The following CDYL2 variants were observed in gnomAD, a reference collection of about 807,000 sequenced individuals.
The protein encoded by CDYL2 is chromodomain Y-like protein 2.
A neutral mutation model predicts 49.4 loss-of-function variants in CDYL2; 23 were observed. The observed-to-expected ratio is 0.47, with a 90% confidence interval of 0.34 to 0.66. CDYL2 has a LOEUF of 0.66. Ranked by LOEUF, CDYL2 falls within the 30% of genes least tolerant of loss-of-function variation. The pLI is 0.01. For missense variants in CDYL2, 678 were observed against 656.4 expected, an observed-to-expected ratio of 1.03 and a Z score of -0.36; for synonymous variants, 360 against 268.8, an observed-to-expected ratio of 1.34 and a Z score of -3.32.
chr16:80,736,073 G>A (rs756615024), intron 1 of CDYL2, among the ~76,000 whole-genome samples: 4 of 152,168 alleles, frequency 2.6e-5, no homozygotes, highest in Admixed American at 1.3e-4. Context: ...ATAGGCCAGT[G>A]ACCTTGAGAC....
chr16:80,744,126 G>C (rs1170979105), intron 1 of CDYL2, among the ~76,000 whole-genome samples: 2 of 152,174 alleles, frequency 1.3e-5, no homozygotes, highest in Non-Finnish European at 2.9e-5. Flanking sequence ...AGAGAAGTTA[G>C]AGCAACTCAT....
intron 1 of CDYL2, among the ~76,000 whole-genome samples, chr16:80,731,731 C>T (rs1031716719): frequency 2.6e-5 from 4 of 152,100 alleles, no homozygotes; most frequent in Non-Finnish European, 5.9e-5. Flanking sequence ...CTATACTTAG[C>T]CAAATCATCA....
chr16:80,652,660 A>C (rs191381066), intron 2 of CDYL2, among the ~76,000 whole-genome samples: 1 of 152,338 alleles, frequency 6.6e-6, no homozygotes, highest in East Asian at 1.9e-4. Context: ...TACCTCAGCC[A>C]GGTGGTCACA....
chr16:80,722,708 C>G (rs2142527503), intron 1 of CDYL2, among the ~76,000 whole-genome samples: 1 of 152,290 alleles, frequency 6.6e-6, no homozygotes, highest in Admixed American at 6.5e-5. Context: ...ACTGACTCTC[C>G]AAGATACTGT....
rs543813429 is a variant in CDYL2, at chr16:80,607,082, C to T, written c.1362+1010G>A. 2.8e-3 allele frequency among the ~76,000 whole-genome samples: 430 copies of T among 152,240 alleles called. 1 individual carries two copies. Among genetic ancestry groups the T allele is most frequent in the South Asian group, 5.4e-3 (26 of 4,818 alleles). On this transcript the variant is annotated intron_variant, in intron 6 of 6. Coordinates refer to ENST00000570137, the MANE Select transcript of CDYL2 (RefSeq NM_152342.4). The stretch of plus-strand genomic sequence containing the variant: ...AGACAAGGTGGGGCAAATTGGTGAC[C>T]CTAGTCATTAGTAAGATTAAAAGAG...
intron 2 of CDYL2, among the ~76,000 whole-genome samples, chr16:80,665,429 A>T (rs1909219693): frequency 6.7e-6 from 1 of 149,622 alleles, no homozygotes. Flanking sequence ...GGCTCAACAG[A>T]TCTTGTGACC....
chr16:80,758,665 C>A (rs1257449850), intron 1 of CDYL2, among the ~76,000 whole-genome samples: 11 of 151,516 alleles, frequency 7.3e-5, no homozygotes, highest in Non-Finnish European at 1.5e-4. Flanking sequence ...GCCTCAGCCT[C>A]CCGAGTAGCT....
Position 80,782,531 on chromosome 16 carries a change from A to G in CDYL2, c.24+21619T>C, listed in dbSNP as rs9923028. Among the ~76,000 whole-genome samples, 415 of 108,122 alleles carry G rather than the reference A, an allele frequency of 3.8e-3. 3 individuals carry two copies. The highest frequency in any genetic ancestry group is 0.017 in the African/African-American group (406 of 24,286). 70.9% of individuals were successfully genotyped at this position (108,122 alleles called of 152,430 possible). A position where few individuals can be genotyped will look rare whatever the true frequency, so the allele number is the denominator to read the frequency against. ...ATCCCAAAGCCAAAGACATAAGGAG[A>G]AAAAAAAAAAAAAAAAAAAAACTAC... is the stretch of plus-strand genomic sequence containing the variant. On this transcript the variant is annotated intron_variant, in intron 1 of 6. Transcript: ENST00000570137.
At chr16:80,680,909 G>T (rs1909943629) in intron 2 of CDYL2, among the ~76,000 whole-genome samples, 1 of 151,998 alleles carries the variant, frequency 6.6e-6, no homozygotes, top group Non-Finnish European at 1.5e-5. Flanking sequence ...AGCTCCCCAA[G>T]AGATACTGAG....
intron 2 of CDYL2, among the ~76,000 whole-genome samples, chr16:80,675,280 T>C (rs1294283443): frequency 1.3e-5 from 2 of 152,200 alleles, no homozygotes; most frequent in East Asian, 3.9e-4. Flanking sequence ...TAATTCCTTC[T>C]CTCAGTGCTG....
intron 1 of CDYL2, among the ~76,000 whole-genome samples, chr16:80,798,749 G>A (rs1016820853): frequency 2.6e-5 from 4 of 152,000 alleles, no homozygotes; most frequent in African/African-American, 9.7e-5. Flanking sequence ...ATTGTCCAAC[G>A]GCCAACTTTA....
chr16:80,634,383 A>C (rs1181102039), intron 2 of CDYL2, among the ~76,000 whole-genome samples: 1 of 152,176 alleles, frequency 6.6e-6, no homozygotes, highest in African/African-American at 2.4e-5. Context: ...ATTCTGAGCA[A>C]ACTATCGCAA....
chr16:80,645,902 G>A (rs1470612558), intron 2 of CDYL2, among the ~76,000 whole-genome samples: 443 of 145,960 alleles, frequency 3.0e-3, no homozygotes, highest in Non-Finnish European at 5.4e-3. Context: ...ACCAAACACC[G>A]CATGTTCTCA....
rs550113279 is a variant in CDYL2, at chr16:80,779,513, G to A, written c.24+24637C>T. ...CATACTCATTGACATTCCACATCTA[G>A]AAATTTATCATAAGAAAATAACAGC... On this transcript the variant is annotated intron_variant, in intron 1 of 6. Transcript: ENST00000570137. 5.4e-4 allele frequency among the ~76,000 whole-genome samples: 82 copies of A among 152,008 alleles called. 1 individual carries two copies. The highest frequency in any genetic ancestry group is 5.2e-3 in the South Asian group (25 of 4,818).
chr16:80,640,499 C>T (rs1187988286), intron 2 of CDYL2, among the ~76,000 whole-genome samples: 2 of 152,116 alleles, frequency 1.3e-5, no homozygotes, highest in East Asian at 1.9e-4. Flanking sequence ...ACATTCCCAT[C>T]TGTGGCGGCT....
chr16:80,654,892 C>T (rs1908739342), intron 2 of CDYL2, among the ~76,000 whole-genome samples: 3 of 152,230 alleles, frequency 2.0e-5, no homozygotes, highest in Admixed American at 2.0e-4. Flanking sequence ...TGTCTAATTA[C>T]AAGGCTTGTG....
At chr16:80,755,363 G>A (rs1906275265) in intron 1 of CDYL2, among the ~76,000 whole-genome samples, 2 of 152,066 alleles carry the variant, frequency 1.3e-5, no homozygotes, top group Admixed American at 1.3e-4. Flanking sequence ...TCCCCCTCAG[G>A]AAAAACAGAA....
At chr16:80,723,287 GC>G (rs1905059400) in intron 1 of CDYL2, among the ~76,000 whole-genome samples, 2 of 152,334 alleles carry the variant, frequency 1.3e-5, no homozygotes, top group South Asian at 4.1e-4. Flanking sequence ...AGGGAGCTGT[GC>G]CCAGAAGGGT....
intron 2 of CDYL2, among the ~76,000 whole-genome samples, chr16:80,681,758 G>C (rs1597169923): frequency 6.6e-6 from 1 of 152,220 alleles, no homozygotes; most frequent in Admixed American, 6.5e-5. Flanking sequence ...CATGGAGCCA[G>C]CCTCGGGCGC....
Sources: allele counts gnomAD v4.1 joint callset (sites outside exome capture counted in the v4.1 genomes callset), GRCh38; gene constraint gnomAD v4.1.1; transcripts MANE v1.5; gene names NCBI Gene and HGNC (gene_info 2026-07-23, HGNC 2026-07-21).